Variants in NFIB observed in about 807,000 individuals in gnomAD.
NFIB encodes the protein nuclear factor 1 B-type.
Under a neutral mutation model 61.5 loss-of-function variants are expected in NFIB, and 11 were observed. The observed-to-expected ratio is 0.18, with a 90% confidence interval of 0.11 to 0.30. NFIB has a LOEUF of 0.30. Ranked by LOEUF, NFIB falls within the 10% of genes least tolerant of loss-of-function variation. NFIB has a pLI of 1.00. For synonymous variants in NFIB, 260 were observed against 216.5 expected (o/e 1.20, Z -1.76); for missense variants, 471 against 608.9 (o/e 0.77, Z 2.38).
chr9:14,497,709 G>C, the NFIB span, among the ~76,000 whole-genome samples: 1 of 152,212 alleles, frequency 6.6e-6, no homozygotes, highest in Non-Finnish European at 1.5e-5. Context: ...TATCCCTGGA[G>C]AGCTGTCTAT....
intron 1 of NFIB, among the ~76,000 whole-genome samples, chr9:14,376,237 T>C (rs2061417741): frequency 6.6e-6 from 1 of 152,194 alleles, no homozygotes; most frequent in African/African-American, 2.4e-5. Flanking sequence ...GCTATGGAAC[T>C]TTTTGTGTGC....
intron 10 of NFIB, among the ~76,000 whole-genome samples, chr9:14,103,397 CTG>C (rs1249110863): frequency 6.6e-6 from 1 of 152,004 alleles, no homozygotes; most frequent in Non-Finnish European, 1.5e-5. Flanking sequence ...GATGGCCACA[CTG>C]TAAATTAACA....
chr9:14,320,980 C>T (rs2060646020), intron 1 of NFIB, among the ~76,000 whole-genome samples: 1 of 152,046 alleles, frequency 6.6e-6, no homozygotes, highest in African/African-American at 2.4e-5. Flanking sequence ...TGTCCTGTCT[C>T]AAGTTCAGTG....
chr9:14,131,983 T>G (rs954241820), intron 6 of NFIB, among the ~76,000 whole-genome samples: 4 of 152,164 alleles, frequency 2.6e-5, no homozygotes, highest in African/African-American at 9.7e-5. Context: ...TCGAGTAGAT[T>G]AAGGTTACAA....
intron 9 of NFIB, among the ~76,000 whole-genome samples, chr9:14,114,031 T>G (rs2119050146): frequency 6.6e-6 from 1 of 152,338 alleles, no homozygotes; most frequent in African/African-American, 2.4e-5. Flanking sequence ...TTTATTGTTC[T>G]GAAGAAAGCT....
intron 1 of NFIB, among the ~76,000 whole-genome samples, chr9:14,334,700 A>G (rs921378576): frequency 3.3e-5 from 5 of 152,192 alleles, no homozygotes; most frequent in African/African-American, 9.7e-5. Context: ...TGTAACTGCC[A>G]TACAATAAAC....
rs1381680786 is a variant in NFIB, at chr9:14,187,486, T to C, written c.563-7706A>G. Among the ~76,000 whole-genome samples the C allele has an allele frequency of 2.6e-5, 4 of 152,226 alleles. No individual in the cohort carries two copies. In the East Asian group the frequency reaches 7.7e-4, roughly 29 times the overall value. On this transcript the variant is annotated intron_variant, in intron 2 of 10. Coordinates refer to ENST00000380953, the MANE Select transcript of NFIB (RefSeq NM_001190737.2). ...GTTTGATTTAGCAAAACGCATAGTT[T>C]AAAAAGATGTTGCTACACTTAAGAT...
chr9:14,495,446 C>CTTTTTTTTTT, the NFIB span, among the ~76,000 whole-genome samples: 138 of 117,236 alleles, frequency 1.2e-3, 7 homozygotes, highest in South Asian at 8.0e-3. Flanking sequence ...GAGAAATGAA[C>CTTTTTTTTTT]TTTTTTTTTT....
At chr9:14,180,685 T>C (rs2046670039) in intron 2 of NFIB, 1 of 152,220 alleles carries the variant, frequency 6.6e-6, no homozygotes. Context: ...AATCTTCTTT[T>C]ATTGGTTCTA....
At chr9:14,444,116 T>C in the NFIB span, among the ~76,000 whole-genome samples, 2 of 152,228 alleles carry the variant, frequency 1.3e-5, no homozygotes, top group African/African-American at 4.8e-5. Flanking sequence ...AAAGTACATA[T>C]TTGATGTGTC....
At chr9:14,499,342 C>A in the NFIB span, among the ~76,000 whole-genome samples, 1 of 152,232 alleles carries the variant, frequency 6.6e-6, no homozygotes, top group East Asian at 1.9e-4. Context: ...AAAAGAGCTT[C>A]TTCAGTGGAA....
the NFIB span, among the ~76,000 whole-genome samples, chr9:14,420,630 C>T: frequency 1.3e-5 from 2 of 152,034 alleles, no homozygotes; most frequent in Admixed American, 1.3e-4. Flanking sequence ...TAGCCTACCA[C>T]TGATGCTGTC....
chr9:14,243,139 A>G (rs2054524257), intron 2 of NFIB, among the ~76,000 whole-genome samples: 1 of 152,216 alleles, frequency 6.6e-6, no homozygotes, highest in African/African-American at 2.4e-5. Flanking sequence ...CATCAAGACT[A>G]GAGTTTAAAA....
At chr9:14,233,572 G>C (rs551079625) in intron 2 of NFIB, among the ~76,000 whole-genome samples, 1 of 151,956 alleles carries the variant, frequency 6.6e-6, no homozygotes, top group South Asian at 2.1e-4. Context: ...GGGATTACAG[G>C]CCCAGGCCAC....
At chr9:14,471,789 G>C in the NFIB span, among the ~76,000 whole-genome samples, 1 of 152,240 alleles carries the variant, frequency 6.6e-6, no homozygotes, top group East Asian at 1.9e-4. Flanking sequence ...TCAGTCTTAG[G>C]GTGGCCCTAC....
chr9:14,440,656 C>T, the NFIB span, among the ~76,000 whole-genome samples: 1 of 152,190 alleles, frequency 6.6e-6, no homozygotes, highest in Non-Finnish European at 1.5e-5. Flanking sequence ...CATGAAAATA[C>T]TATTTGCATC....
At position 14,148,211 on chromosome 9, in the gene NFIB, C is replaced by T. The variant is rs1411854247; in HGVS notation, c.807-1404G>A. On this transcript the variant is annotated intron_variant, in intron 5 of 10. Transcript: ENST00000380953. ...GACCACAGCTCACTGCAGCCTCAAG[C>T]TCCTGGGCTCAAGTGATCCTCCTAC... Among the ~76,000 whole-genome samples the T allele has an allele frequency of 2.6e-5, 4 of 152,042 alleles. No homozygotes were observed. In the South Asian group the frequency reaches 8.3e-4, roughly 32 times the overall value.
intron 2 of NFIB, among the ~76,000 whole-genome samples, chr9:14,237,220 G>C (rs998881562): frequency 1.3e-5 from 2 of 152,188 alleles, no homozygotes; most frequent in Non-Finnish European, 2.9e-5. Context: ...TATCAGGTCT[G>C]AGAACTGAAG....
intron 1 of NFIB, among the ~76,000 whole-genome samples, chr9:14,373,349 C>G (rs2061380349): frequency 6.6e-6 from 1 of 152,122 alleles, no homozygotes; most frequent in Non-Finnish European, 1.5e-5. Context: ...AGTATAGAGC[C>G]CATTGCCAGC....
Sources: gnomAD v4.1 joint callset for allele counts (sites outside exome capture counted in the v4.1 genomes callset) on GRCh38, gnomAD v4.1.1 for gene constraint, MANE v1.5 for transcripts, NCBI Gene and HGNC (gene_info 2026-07-23, HGNC 2026-07-21) for gene names.